NCKAP5: variants seen among roughly 807,000 people sequenced by gnomAD.
NCKAP5 encodes the protein NCK associated protein 5, also known as nck-associated protein 5.
In NCKAP5, 92 loss-of-function variants were observed where a neutral mutation model predicts 167.0. The observed-to-expected ratio is 0.55, with a 90% confidence interval of 0.47 to 0.66. The LOEUF (loss-of-function observed/expected upper bound fraction) is 0.66, where lower values mean the gene tolerates loss of function less well. Ranked by LOEUF, NCKAP5 falls within the 30% of genes least tolerant of loss-of-function variation. The pLI is 0.00. For synonymous variants in NCKAP5, 891 were observed against 877.4 expected (o/e 1.02, Z -0.27); for missense variants, 2,378 against 2,315.0 (o/e 1.03, Z -0.56).
At chr2:133,502,766 G>C (rs1202390629) in intron 3 of NCKAP5, among the ~76,000 whole-genome samples, 1 of 152,214 alleles carries the variant, frequency 6.6e-6, no homozygotes, top group Non-Finnish European at 1.5e-5. Context: ...AATAGTAATA[G>C]TTTCAAGATT....
At chr2:133,440,986 T>C (rs1690813555) in intron 3 of NCKAP5, among the ~76,000 whole-genome samples, 1 of 152,132 alleles carries the variant, frequency 6.6e-6, no homozygotes, top group African/African-American at 2.4e-5. Flanking sequence ...AAACTCTTAA[T>C]CTATATTCCT....
the NCKAP5 span, among the ~76,000 whole-genome samples, chr2:133,633,871 C>T: frequency 6.6e-6 from 1 of 152,054 alleles, no homozygotes; most frequent in Non-Finnish European, 1.5e-5. Context: ...TCCATCTTAC[C>T]CCAAATCACG....
chr2:133,584,163 A>G, the NCKAP5 span, among the ~76,000 whole-genome samples: 1 of 152,358 alleles, frequency 6.6e-6, no homozygotes, highest in African/African-American at 2.4e-5. Context: ...TGGTTTCCAT[A>G]TTCCTAGGAT....
chr2:133,122,536 T>A (rs2082281674), intron 6 of NCKAP5: 1 of 152,210 alleles, frequency 6.6e-6, no homozygotes, highest in Non-Finnish European at 1.5e-5. Context: ...GTGGACAACA[T>A]CAGAGCCAAG....
intron 5 of NCKAP5, among the ~76,000 whole-genome samples, chr2:133,207,969 G>A (rs949851391): frequency 6.6e-6 from 1 of 152,114 alleles, no homozygotes; most frequent in African/African-American, 2.4e-5. Flanking sequence ...AGGGTGGTGG[G>A]GTGGCAAAGA....
chr2:133,085,286 C>T (rs2080949397), intron 6 of NCKAP5, among the ~76,000 whole-genome samples: 1 of 152,098 alleles, frequency 6.6e-6, no homozygotes, highest in Non-Finnish European at 1.5e-5. Context: ...CCACCTGCAG[C>T]AACATTTTAG....
At chr2:132,878,754 T>C (rs551837071) in intron 9 of NCKAP5, 94 bp downstream of exon 9, 3 of 909,034 alleles carry the variant, frequency 3.3e-6, no homozygotes, top group South Asian at 2.8e-5. Flanking sequence ...GCTGATGTTT[T>C]GTGGATACTG....
chr2:132,908,308 C>T (rs1694167985), intron 8 of NCKAP5, among the ~76,000 whole-genome samples: 1 of 151,878 alleles, frequency 6.6e-6, no homozygotes, highest in South Asian at 2.1e-4. Flanking sequence ...GGTGCTTCAC[C>T]ATCTTGGTTG....
the NCKAP5 span, among the ~76,000 whole-genome samples, chr2:133,633,925 G>A: frequency 6.6e-6 from 1 of 152,212 alleles, no homozygotes; most frequent in Non-Finnish European, 1.5e-5. Flanking sequence ...AGAGATCATT[G>A]TGTAGTTTGG....
At chr2:133,016,923 A>G (rs1190894209) in intron 6 of NCKAP5, among the ~76,000 whole-genome samples, 1 of 152,264 alleles carries the variant, frequency 6.6e-6, no homozygotes, top group Non-Finnish European at 1.5e-5. Flanking sequence ...TGAGACACAT[A>G]ACAAATTTAT....
intron 17 of NCKAP5, among the ~76,000 whole-genome samples, chr2:132,730,716 C>T (rs1690915352): frequency 6.6e-6 from 1 of 152,192 alleles, no homozygotes; most frequent in Non-Finnish European, 1.5e-5. Flanking sequence ...AGTACACAAC[C>T]TATAACTAAG....
At chr2:133,442,139 A>T (rs934964805) in intron 3 of NCKAP5, among the ~76,000 whole-genome samples, 33 of 152,286 alleles carry the variant, frequency 2.2e-4, no homozygotes, top group Admixed American at 5.2e-4. Flanking sequence ...AACTTAAAGG[A>T]TGTTCTGAAA....
chr2:133,546,473 C>G lies in NCKAP5; in HGVS notation c.-62+12577G>C, dbSNP rs186415135. Among the ~76,000 whole-genome samples, 3 of 152,248 alleles carry G rather than the reference C, an allele frequency of 2.0e-5. No individual in the cohort carries two copies. In the East Asian group the frequency reaches 5.8e-4, roughly 29 times the overall value. ...TCCTGCTCATGTATACTCCACTTACCAGATATACAAGCTGCGCTATAGAGT... is the reference window on the plus strand; with the variant it reads ...TCCTGCTCATGTATACTCCACTTACGAGATATACAAGCTGCGCTATAGAGT... On this transcript the variant is annotated intron_variant, in intron 2 of 19. Transcript: ENST00000409261.
intron 3 of NCKAP5, among the ~76,000 whole-genome samples, chr2:133,375,079 G>A (rs955002326): frequency 1.3e-5 from 2 of 152,194 alleles, no homozygotes; most frequent in Non-Finnish European, 2.9e-5. Context: ...GTGGGAAGCA[G>A]TGCTTATCTG....
At chr2:133,644,265 G>A in the NCKAP5 span, among the ~76,000 whole-genome samples, 1 of 152,158 alleles carries the variant, frequency 6.6e-6, no homozygotes, top group Non-Finnish European at 1.5e-5. Context: ...TAGGAGAAAA[G>A]CCTGAGTGTC....
At chr2:133,560,555 G>A (rs963859637) in intron 1 of NCKAP5, among the ~76,000 whole-genome samples, 5 of 152,196 alleles carry the variant, frequency 3.3e-5, no homozygotes, top group African/African-American at 1.2e-4. Context: ...ATAGAGTGGG[G>A]AGAAGAGAAC....
intron 3 of NCKAP5, among the ~76,000 whole-genome samples, chr2:133,493,140 A>G (rs1681614705): frequency 6.6e-6 from 1 of 152,214 alleles, no homozygotes. Flanking sequence ...AGGGAAGGTC[A>G]CTGTGCCCTA....
chr2:133,012,373 T>C (rs892647511), intron 6 of NCKAP5, among the ~76,000 whole-genome samples: 1 of 152,062 alleles, frequency 6.6e-6, no homozygotes, highest in Non-Finnish European at 1.5e-5. Context: ...TCAGCCTCCC[T>C]AGCAGCTGGG....
At chr2:133,633,002 C>A in the NCKAP5 span, among the ~76,000 whole-genome samples, 1 of 152,194 alleles carries the variant, frequency 6.6e-6, no homozygotes, top group South Asian at 2.1e-4. Flanking sequence ...GAGCACCTGC[C>A]TTTTCCTTTG....
Sources: gnomAD v4.1 joint callset for allele counts (sites outside exome capture counted in the v4.1 genomes callset) on GRCh38, gnomAD v4.1.1 for gene constraint, MANE v1.5 for transcripts, NCBI Gene and HGNC (gene_info 2026-07-23, HGNC 2026-07-21) for gene names.